The following DIP2B variants were observed in gnomAD, a reference collection of about 807,000 sequenced individuals.
DIP2B encodes disco-interacting protein 2 homolog B.
In DIP2B, 76 loss-of-function variants were observed where a neutral mutation model predicts 198.0. The ratio of observed to expected loss-of-function variants is 0.38; its 90% CI spans 0.32 to 0.46. The LOEUF (loss-of-function observed/expected upper bound fraction) is 0.46. Ranked by LOEUF, DIP2B falls within the 20% of genes least tolerant of loss-of-function variation. DIP2B has a pLI of 0.99. For synonymous variants in DIP2B, 701 were observed against 739.1 expected, an observed-to-expected ratio of 0.95 and a Z score of 0.84; for missense variants, 1,559 against 1,978.4, an observed-to-expected ratio of 0.79 and a Z score of 4.02.
intron 1 of DIP2B, among the ~76,000 whole-genome samples, chr12:50,603,044 G>A (rs1246982531): frequency 1.3e-5 from 2 of 150,654 alleles, no homozygotes; most frequent in African/African-American, 4.9e-5. Flanking sequence ...GGCGCCTGTA[G>A]TCCCAGCTAC....
intron 1 of DIP2B, among the ~76,000 whole-genome samples, chr12:50,593,019 C>T (rs1008270828): frequency 1.3e-5 from 2 of 152,122 alleles, no homozygotes; most frequent in Admixed American, 6.6e-5. Context: ...ACCTATTCTC[C>T]GTACTTCCTG....
At position 50,724,966 on chromosome 12, in the gene DIP2B, G is replaced by A. The variant is rs143219067; in HGVS notation, c.3400+80G>A. ...GATCTCCTCCATTCTCATGCCAGAC[G>A]TGTTTACCCTGCCTTTATGTCTTCT... On this transcript the variant is annotated intron_variant, in intron 28 of 37. Transcript: ENST00000301180. 52 of 1,398,810 alleles carry A rather than the reference G, an allele frequency of 3.7e-5. No individual in the cohort carries two copies. The East Asian group carries it at 1.0e-3, about 27-fold the overall frequency. The allele number at this position is 1,398,810 out of a possible 1,614,324, so 86.6% of individuals were successfully genotyped here. A position where few individuals can be genotyped will look rare whatever the true frequency, so the allele number is the denominator to read the frequency against.
intron 3 of DIP2B, among the ~76,000 whole-genome samples, chr12:50,648,084 C>T (rs117572868): frequency 0.013 from 1,949 of 151,988 alleles, 20 homozygotes; most frequent in Non-Finnish European, 0.019. Context: ...CCAGCCTAGG[C>T]GACAGATCGA....
At chr12:50,542,674 A>G (rs371767193) in intron 1 of DIP2B, among the ~76,000 whole-genome samples, 1 of 152,198 alleles carries the variant, frequency 6.6e-6, no homozygotes, top group Non-Finnish European at 1.5e-5. Context: ...GGATTTTAGT[A>G]TGTCATATGT....
rs903343835 is a variant in DIP2B, at chr12:50,665,270, G to A, written c.427+4951G>A. 5.3e-5 allele frequency among the ~76,000 whole-genome samples: 8 copies of A among 152,186 alleles called. No individual in the cohort carries two copies. In the South Asian group the frequency reaches 8.3e-4, roughly 16 times the overall value. On this transcript the variant is annotated intron_variant, in intron 4 of 37. Transcript: ENST00000301180. ...AAAGAACTTTCACATACTAATGACC[G>A]CCCTGTGTCATTTGTTTCTCATAAA... is the stretch of plus-strand genomic sequence containing the variant.
At chr12:50,573,348 A>G (rs1406982415) in intron 1 of DIP2B, among the ~76,000 whole-genome samples, 1 of 152,214 alleles carries the variant, frequency 6.6e-6, no homozygotes, top group Non-Finnish European at 1.5e-5. Flanking sequence ...AGTTGCTTAC[A>G]GTTTAGTAGC....
rs940227386 is a variant in DIP2B at position 50,683,213 on chromosome 12, A to T, written c.1282A>T (p.Ile428Phe). The T allele has an allele frequency of 5.6e-6, 9 of 1,612,926 alleles. No individual in the cohort carries two copies. Among genetic ancestry groups the T allele is most frequent in the African/African-American group, 1.3e-5 (1 of 75,020 alleles). The change falls in exon 10 of 38, where the codon ATT (isoleucine) becomes TTT (phenylalanine). Residue 428 changes from isoleucine (I) to phenylalanine (F), a missense_variant. Physicochemically the swap from Ile to Phe is conservative, Grantham distance 21. Coordinates refer to ENST00000301180, the MANE Select transcript of DIP2B (RefSeq NM_173602.3). The stretch of plus-strand genomic sequence containing the variant: ...CTATGGATGCCTCCTGGCAGAAGTG[A>T]TTCCAGTGCCTATAGAGGTACCTCT... ...AFYGCLLAEV[I>F]PVPIEVPLTR... is the part of the protein sequence containing the mutation.
At chr12:50,603,244 A>G (rs1958954016) in intron 1 of DIP2B, among the ~76,000 whole-genome samples, 2 of 152,172 alleles carry the variant, frequency 1.3e-5, no homozygotes, top group Admixed American at 1.3e-4. Flanking sequence ...TGACAGTTAA[A>G]AGTAGGCAAG....
At chr12:50,543,158 G>A (rs1201092649) in intron 1 of DIP2B, among the ~76,000 whole-genome samples, 1 of 152,080 alleles carries the variant, frequency 6.6e-6, no homozygotes, top group Non-Finnish European at 1.5e-5. Flanking sequence ...ATAGGCGTGA[G>A]CCACCGTGCC....
intron 35 of DIP2B, 54 bp from the exon 36 acceptor site, chr12:50,739,355 A>AT (rs1050630124): frequency 5.1e-6 from 8 of 1,564,598 alleles, no homozygotes; most frequent in Non-Finnish European, 7.0e-6. Flanking sequence ...ATCCAAGAGA[A>AT]TTAATACAGT....
chr12:50,694,189 T>G (rs1334389236), intron 14 of DIP2B, among the ~76,000 whole-genome samples: 1 of 152,112 alleles, frequency 6.6e-6, no homozygotes, highest in African/African-American at 2.4e-5. Context: ...GCAGTGTCTG[T>G]TAGCATTTTA....
At chr12:50,695,728 T>C (rs1388628304) in intron 15 of DIP2B, 120 bp from the exon 16 acceptor site, 1 of 1,410,698 alleles carries the variant, frequency 7.1e-7, no homozygotes, top group African/African-American at 1.4e-5. Flanking sequence ...TGAAACCGTT[T>C]TTATCTTCTC....
chr12:50,721,124 G>A (rs1939828623), intron 25 of DIP2B, 149 bp from the exon 26 acceptor site: 1 of 1,241,090 alleles, frequency 8.1e-7, no homozygotes, highest in Non-Finnish European at 1.1e-6. Flanking sequence ...CGTCTTTGAT[G>A]CTAAGGGAAT....
At chr12:50,547,792 G>A (rs1461194567) in intron 1 of DIP2B, among the ~76,000 whole-genome samples, 1 of 152,160 alleles carries the variant, frequency 6.6e-6, no homozygotes, top group Non-Finnish European at 1.5e-5. Context: ...GTGTGAGCTG[G>A]GTATAGTGGC....
chr12:50,510,431 A>C (rs1958003979), intron 1 of DIP2B, among the ~76,000 whole-genome samples: 5 of 152,202 alleles, frequency 3.3e-5, no homozygotes, highest in Non-Finnish European at 7.3e-5. Flanking sequence ...CCTTGGTTAC[A>C]ACTTTCTGTC....
chr12:50,735,992 A>C (rs1940132449), intron 34 of DIP2B, among the ~76,000 whole-genome samples: 1 of 152,226 alleles, frequency 6.6e-6, no homozygotes, highest in African/African-American at 2.4e-5. Context: ...TTTACTAAGG[A>C]TGATAGGAAA....
intron 3 of DIP2B, chr12:50,655,125 A>G (rs933477938): frequency 3.3e-5 from 13 of 393,142 alleles, no homozygotes; most frequent in Admixed American, 3.2e-4. Context: ...AAACATCTAC[A>G]TGCCCAGACA....
At chr12:50,532,777 T>C (rs552809676) in intron 1 of DIP2B, among the ~76,000 whole-genome samples, 1 of 152,200 alleles carries the variant, frequency 6.6e-6, no homozygotes, top group East Asian at 1.9e-4. Context: ...TAACCCCCTT[T>C]CCTCTAGAAG....
At chr12:50,551,598 C>A (rs935385460) in intron 1 of DIP2B, among the ~76,000 whole-genome samples, 19 of 152,246 alleles carry the variant, frequency 1.2e-4, no homozygotes, top group Admixed American at 3.3e-4. Flanking sequence ...TACATGCCAC[C>A]ACGCCCAGCT....
Sources: allele counts gnomAD v4.1 joint callset (sites outside exome capture counted in the v4.1 genomes callset), GRCh38; gene constraint gnomAD v4.1.1; transcripts MANE v1.5; gene names NCBI Gene and HGNC (gene_info 2026-07-23, HGNC 2026-07-21).